The following GPC6 variants were observed in gnomAD, a reference collection of about 807,000 sequenced individuals.
GPC6 encodes the protein glypican 6.
Under a neutral mutation model 55.2 loss-of-function variants are expected in GPC6, and 14 were observed. The observed-to-expected ratio is 0.25, with a 90% CI of 0.17 to 0.40. GPC6 has a LOEUF of 0.40. Ranked by LOEUF, GPC6 falls within the 10% of genes least tolerant of loss-of-function variation. The probability of loss-of-function intolerance (pLI) is 1.00; values close to 1 mark genes in which losing one functional copy is unlikely to be tolerated. For synonymous variants in GPC6, 278 were observed against 259.6 expected (o/e 1.07, Z -0.68); for missense variants, 641 against 708.5 (o/e 0.90, Z 1.08).
intron 1 of GPC6, among the ~76,000 whole-genome samples, chr13:93,455,736 TAACAGGCA>T: frequency 6.6e-6 from 1 of 152,264 alleles, no homozygotes; most frequent in Middle Eastern, 3.4e-3. Flanking sequence ...GTTGCTGGCC[TAACAGGCA>T]TGTTTCATTG....
intron 3 of GPC6, among the ~76,000 whole-genome samples, chr13:93,842,192 C>T (rs1036169873): frequency 2.0e-5 from 3 of 152,226 alleles, no homozygotes; most frequent in Admixed American, 1.3e-4. Flanking sequence ...GAGAACCAAG[C>T]ACTTTGCAGA....
chr13:94,241,531 A>G lies in GPC6; in HGVS notation c.878-44818A>G, dbSNP rs539991716. Among the ~76,000 whole-genome samples, 354 of 152,324 alleles carry G rather than the reference A, an allele frequency of 2.3e-3. 2 individuals carry two copies. Among genetic ancestry groups the G allele is most frequent in the African/African-American group, 8.1e-3 (337 of 41,578 alleles). On this transcript the variant is annotated intron_variant, in intron 4 of 8. Transcript: ENST00000377047. ...AGATGCCACATATCTGTGAGCAGAA[A>G]AATGGTAATCTTGTCATTGCACAGT...
chr13:94,079,296 C>T, intron 4 of GPC6, among the ~76,000 whole-genome samples: 1 of 151,980 alleles, frequency 6.6e-6, no homozygotes, highest in Admixed American at 6.6e-5. Flanking sequence ...TGCTATAAGG[C>T]TACATTAGAT....
Position 94,024,884 on chromosome 13 carries a change from G to T in GPC6, c.712-2845G>T, listed in dbSNP as rs990653958. On this transcript the variant is annotated intron_variant, in intron 3 of 8. Transcript: ENST00000377047. ...TTTTTTTAATTTGAATATCAATGTG[G>T]CCAAGAAATGGGGAAGCACAATAGA... Among the ~76,000 whole-genome samples the T allele has an allele frequency of 7.2e-5, 11 of 152,146 alleles. No individual in the cohort carries two copies. In the South Asian group the frequency reaches 2.1e-3, roughly 29 times the overall value.
intron 3 of GPC6, among the ~76,000 whole-genome samples, chr13:93,929,907 T>G (rs9561473): frequency 0.35 from 53,302 of 151,490 alleles, 9,613 homozygotes; most frequent in Middle Eastern, 0.44. Flanking sequence ...AGTAAAGAAA[T>G]AAAAGAAAAT....
chr13:93,322,847 G>C (rs1049480500), intron 1 of GPC6, among the ~76,000 whole-genome samples: 2 of 152,004 alleles, frequency 1.3e-5, no homozygotes, highest in African/African-American at 4.8e-5. Context: ...GTGCATGTTG[G>C]TTAAATAGGT....
At chr13:94,219,712 A>C (rs949701221) in intron 4 of GPC6, among the ~76,000 whole-genome samples, 2 of 152,160 alleles carry the variant, frequency 1.3e-5, no homozygotes, top group African/African-American at 4.8e-5. Flanking sequence ...GAGCAGACAC[A>C]AATCTGCCTC....
Position 93,495,942 on chromosome 13 carries a change from A to C in GPC6, c.161-49321A>C, listed in dbSNP as rs926449457. Among the ~76,000 whole-genome samples the C allele has an allele frequency of 2.0e-5, 3 of 148,336 alleles. No homozygotes were observed. In the Admixed American group the frequency reaches 2.0e-4, roughly 10 times the overall value. ...CTCTCTTCAAAGCTGTCAGACAGGG[A>C]CATTTAAGTCTGCAGAGGTTACTGC... is the stretch of plus-strand genomic sequence containing the variant. On this transcript the variant is annotated intron_variant, in intron 1 of 8. Transcript: ENST00000377047.
chr13:93,510,368 C>G (rs939617712), intron 1 of GPC6, among the ~76,000 whole-genome samples: 1 of 152,108 alleles, frequency 6.6e-6, no homozygotes, highest in Non-Finnish European at 1.5e-5. Flanking sequence ...CTCTCTACCT[C>G]CATGTGATCA....
intron 6 of GPC6, among the ~76,000 whole-genome samples, chr13:94,353,018 G>C (rs1387590238): frequency 6.6e-6 from 1 of 152,186 alleles, no homozygotes; most frequent in Non-Finnish European, 1.5e-5. Flanking sequence ...AGCTCATGCA[G>C]AGGTGGTCTC....
chr13:94,055,633 C>T (rs189207550), intron 4 of GPC6, among the ~76,000 whole-genome samples: 1 of 151,952 alleles, frequency 6.6e-6, no homozygotes, highest in Non-Finnish European at 1.5e-5. Context: ...AGCAAAGAAC[C>T]TTTATCACTT....
intron 2 of GPC6, among the ~76,000 whole-genome samples, chr13:93,659,376 C>G (rs1190719176): frequency 6.6e-6 from 1 of 151,946 alleles, no homozygotes; most frequent in Non-Finnish European, 1.5e-5. Context: ...GAGGGACAAA[C>G]TCTTCTCAAT....
intron 1 of GPC6, among the ~76,000 whole-genome samples, chr13:93,457,668 A>T (rs182566987): frequency 7.5e-4 from 114 of 152,328 alleles, no homozygotes; most frequent in Non-Finnish European, 1.5e-3. Context: ...CTGGAAAGTG[A>T]TGCATGTCTT....
At chr13:93,767,247 A>C (rs1055820247) in intron 2 of GPC6, among the ~76,000 whole-genome samples, 6 of 152,162 alleles carry the variant, frequency 3.9e-5, no homozygotes, top group Non-Finnish European at 1.5e-5. Context: ...ACTTACTTAG[A>C]GTTGCTATTT....
At chr13:93,871,175 C>G (rs758855460) in intron 3 of GPC6, among the ~76,000 whole-genome samples, 7 of 151,858 alleles carry the variant, frequency 4.6e-5, no homozygotes, top group Non-Finnish European at 1.0e-4. Context: ...TCTGTCTGCA[C>G]GTTTCTGAAT....
intron 4 of GPC6, among the ~76,000 whole-genome samples, chr13:94,280,689 T>A (rs1049212315): frequency 5.9e-5 from 9 of 152,232 alleles, no homozygotes; most frequent in South Asian, 2.1e-4. Context: ...TTGATTTTTT[T>A]AAATTCTTTT....
intron 5 of GPC6, among the ~76,000 whole-genome samples, chr13:94,299,131 A>G (rs151281590): frequency 2.0e-5 from 3 of 152,342 alleles, no homozygotes; most frequent in Non-Finnish European, 4.4e-5. Flanking sequence ...ATGTATGAAA[A>G]CCTATTCATC....
chr13:93,312,456 G>C (rs892163239), intron 1 of GPC6, among the ~76,000 whole-genome samples: 3 of 152,018 alleles, frequency 2.0e-5, no homozygotes, highest in Non-Finnish European at 2.9e-5. Context: ...AAACTCCAGT[G>C]GTTTATTTAT....
chr13:93,831,556 CT>C (rs34397604), intron 3 of GPC6, among the ~76,000 whole-genome samples: 40,045 of 147,240 alleles, frequency 0.27, 5,375 homozygotes, highest in African/African-American at 0.32. Flanking sequence ...TACAATGCTT[CT>C]TTTTTTTTTT....
Sources: allele counts gnomAD v4.1 joint callset (sites outside exome capture counted in the v4.1 genomes callset), GRCh38; gene constraint gnomAD v4.1.1; transcripts MANE v1.5; gene names NCBI Gene and HGNC (gene_info 2026-07-23, HGNC 2026-07-21).